PLA2G6: variants seen among roughly 807,000 people sequenced by gnomAD.
PLA2G6 encodes 85/88 kDa calcium-independent phospholipase A2.
A neutral mutation model predicts 83.8 loss-of-function variants in PLA2G6; 62 were observed. The ratio of observed to expected loss-of-function variants is 0.74; its 90% CI spans 0.60 to 0.91. The LOEUF is 0.91. PLA2G6 is among the 40% of genes least tolerant of loss of function. The pLI is 0.00. For synonymous variants in PLA2G6, 417 were observed against 449.8 expected, an observed-to-expected ratio of 0.93 and a Z score of 0.92; for missense variants, 944 against 1,102.0, an observed-to-expected ratio of 0.86 and a Z score of 2.03.
chr22:38,127,661 G>C (rs2087947688), intron 9 of PLA2G6, among the ~76,000 whole-genome samples: 1 of 152,146 alleles, frequency 6.6e-6, no homozygotes, highest in Admixed American at 6.5e-5. Context: ...CTCTGTTCAG[G>C]GGACCCCGCT....
chr22:38,153,300 C>T (rs2089647325), intron 2 of PLA2G6, among the ~76,000 whole-genome samples: 1 of 152,120 alleles, frequency 6.6e-6, no homozygotes, highest in African/African-American at 2.4e-5. Flanking sequence ...GGCATGTGGC[C>T]GCCGCCCCGT....
At chr22:38,149,357 G>A (rs547520270) in intron 2 of PLA2G6, 2 of 152,248 alleles carry the variant, frequency 1.3e-5, no homozygotes, top group South Asian at 2.1e-4. Flanking sequence ...GATAACATTC[G>A]AGAGGTTAAA....
At position 38,113,515 on chromosome 22, in the gene PLA2G6, T is replaced by C. The variant is rs368468197; in HGVS notation, c.2174A>G (p.Lys725Arg). ...GTCCACCACCATCTTGCCCAGTTCC[T>C]TGGCCCCAAAAACAGTCTTGGCCAG... ...WELAKTVFGA[K>R]ELGKMVVDCC... is the part of the protein sequence containing the mutation. Residue 725 changes from lysine (K) to arginine (R), a missense_variant, in exon 15 of 17, where the codon AAG (lysine) becomes AGG (arginine). By Grantham distance (26) the Lys-to-Arg change is conservative. Transcript: ENST00000332509. 2.5e-6 allele frequency: 4 copies of C among 1,614,090 alleles called. No individual in the cohort carries two copies. Among genetic ancestry groups the C allele is most frequent in the Middle Eastern group, 1.6e-4 (1 of 6,062 alleles).
chr22:38,173,944 C>T (rs1450712984), intron 1 of PLA2G6, among the ~76,000 whole-genome samples: 2 of 151,956 alleles, frequency 1.3e-5, no homozygotes, highest in Non-Finnish European at 2.9e-5. Context: ...CCCAGCTACT[C>T]GGGAGGCTAA....
intron 1 of PLA2G6, among the ~76,000 whole-genome samples, chr22:38,175,374 G>C (rs1199202408): frequency 2.6e-5 from 4 of 152,026 alleles, no homozygotes; most frequent in Non-Finnish European, 5.9e-5. Flanking sequence ...GCTGACCCTG[G>C]CCAGTGGCGC....
intron 1 of PLA2G6, among the ~76,000 whole-genome samples, chr22:38,178,571 A>G (rs150682136): frequency 6.6e-6 from 1 of 152,166 alleles, no homozygotes; most frequent in Non-Finnish European, 1.5e-5. Context: ...ACCCTGTCTT[A>G]AAACAAAACA....
In PLA2G6 at chr22:38,145,638, C is replaced by CTCCA; in HGVS notation, c.221_224dup (p.Glu75AspfsTer6). The CTCCA allele has an allele frequency of 6.2e-7, 1 of 1,612,460 alleles. No individual in the cohort carries two copies. Among genetic ancestry groups the CTCCA allele is most frequent in the Non-Finnish European group, 8.5e-7 (1 of 1,179,228 alleles). ...AATTCACTAGGGCGTCAGCCTCCAA[C>CTCCA]TCCAGCTGGAAGAGTCTGTAGAGCC... On this transcript the variant is annotated frameshift_variant, in exon 3 of 17. Coordinates refer to ENST00000332509, the MANE Select transcript of PLA2G6 (RefSeq NM_003560.4). LOFTEE classifies it high-confidence loss of function.
chr22:38,132,649 G>A lies in PLA2G6; in HGVS notation c.1077+182C>T, dbSNP rs1016649074. 3.9e-5 allele frequency: 24 copies of A among 618,100 alleles called. No individual in the cohort carries two copies. The Admixed American group carries it at 6.5e-4, about 17-fold the overall frequency. 38.3% of individuals were successfully genotyped at this position (618,100 alleles called of 1,614,324 possible). On this transcript the variant is annotated intron_variant, in intron 7 of 16. Coordinates refer to ENST00000332509, the MANE Select transcript of PLA2G6 (RefSeq NM_003560.4). The surrounding 1 kb of genome is among the most constrained non-coding windows in gnomAD (Gnocchi z 5.0). ...AGGAGGTGGTGTTATTTTGGGCTGAGAGGGGGACTTGGAAGGCTTCCTGAG... is the reference window on the plus strand; with the variant it reads ...AGGAGGTGGTGTTATTTTGGGCTGAAAGGGGGACTTGGAAGGCTTCCTGAG...
rs587784345 is a variant in PLA2G6, at chr22:38,113,618, C to T, written c.2071G>A (p.Val691Ile). The T allele has an allele frequency of 3.1e-6, 5 of 1,613,824 alleles. No individual in the cohort carries two copies. In the African/African-American group the frequency reaches 4.0e-5, roughly 13 times the overall value. ...ANKVKKLSIV[V>I]SLGTGRSPQV... ...GGGGACCTCCCTGTCCCCAGGGAGA[C>T]AACGATGGAGAGTTTCTTCACCTTG... Residue 691 changes from valine to isoleucine, a missense_variant, in exon 15 of 17, where the codon GTC becomes ATC. Coordinates refer to ENST00000332509, the MANE Select transcript of PLA2G6 (RefSeq NM_003560.4).
chr22:38,133,859 C>T (rs11913581), intron 6 of PLA2G6: 3 of 151,246 alleles, frequency 2.0e-5, no homozygotes, highest in Non-Finnish European at 4.4e-5. Context: ...ACCACCACCA[C>T]CATCATCATC....
At chr22:38,175,926 A>C (rs935632308) in intron 1 of PLA2G6, among the ~76,000 whole-genome samples, 5 of 152,204 alleles carry the variant, frequency 3.3e-5, no homozygotes, top group Non-Finnish European at 7.3e-5. Context: ...CTATAAGCCC[A>C]TGGGGCCAGC....
intron 4 of PLA2G6, 179 bp downstream of exon 4, chr22:38,142,926 A>T: frequency 1.4e-6 from 1 of 730,158 alleles, no homozygotes; most frequent in Non-Finnish European, 2.5e-6. Context: ...GCTCCTGGAA[A>T]AGGGCTGGGA....
At chr22:38,161,994 C>T (rs2090030144) in intron 2 of PLA2G6, among the ~76,000 whole-genome samples, 1 of 152,036 alleles carries the variant, frequency 6.6e-6, no homozygotes, top group South Asian at 2.1e-4. Flanking sequence ...CACCTGAGGT[C>T]AGGAGTTCAA....
chr22:38,126,435 T>A lies in PLA2G6; in HGVS notation c.1363A>T (p.Met455Leu), dbSNP rs745774208. ...SLNNLELQDL[M>L]HISRARKPAF... ...GGCTTCCGGGCCCGTGAGATGTGCA[T>A]GAGATCCTGTAGTTCTGTGAGGCAC... The change falls in exon 10 of 17, where the codon ATG becomes TTG. Residue 455 changes from methionine (M) to leucine (L), a missense_variant. Coordinates refer to ENST00000332509, the MANE Select transcript of PLA2G6 (RefSeq NM_003560.4). 2 of 1,609,910 alleles carry A rather than the reference T, an allele frequency of 1.2e-6. No homozygotes were observed. Among genetic ancestry groups the A allele is most frequent in the African/African-American group, 2.7e-5 (2 of 74,794 alleles).
intron 5 of PLA2G6, chr22:38,137,119 G>A (rs1407081631): frequency 1.3e-5 from 2 of 152,278 alleles, no homozygotes; most frequent in Admixed American, 1.3e-4. Flanking sequence ...GCCGGTGGCT[G>A]GGACAGCGTT....
At chr22:38,129,703 C>A (rs1339922480) in intron 7 of PLA2G6, 141 bp from the exon 8 acceptor site, 2 of 713,682 alleles carry the variant, frequency 2.8e-6, no homozygotes, top group South Asian at 1.5e-5. Flanking sequence ...CCCTCCTCAC[C>A]CCCACCCAAG....
rs180702835 is a variant in PLA2G6 at position 38,135,392 on chromosome 22, G to A, written c.798-308C>T. The A allele has an allele frequency of 6.5e-5, 26 of 399,266 alleles. No homozygotes were observed. In the East Asian group the frequency reaches 1.3e-3, roughly 20 times the overall value. 24.7% of individuals were successfully genotyped at this position (399,266 alleles called of 1,614,324 possible). A position where few individuals can be genotyped will look rare whatever the true frequency, so the allele number is the denominator to read the frequency against. On this transcript the variant is annotated intron_variant, in intron 5 of 16. Transcript: ENST00000332509. ...TCCTCACTGGTGGCCTCCAGAAGCT[G>A]AGCAACATGGAGAGAGTGCTGAGAG...
chr22:38,149,869 A>C (rs1209506547), intron 2 of PLA2G6: 1 of 152,124 alleles, frequency 6.6e-6, no homozygotes, highest in East Asian at 1.9e-4. Flanking sequence ...AGCGGGGCGG[A>C]GGTTGCAGTG....
At chr22:38,180,873 T>G (rs1000616508) in intron 1 of PLA2G6, among the ~76,000 whole-genome samples, 72 of 145,764 alleles carry the variant, frequency 4.9e-4, no homozygotes, top group African/African-American at 1.9e-3. Context: ...ACAAAAACAA[T>G]GCATTCAAAA....
Sources: allele counts gnomAD v4.1 joint callset (sites outside exome capture counted in the v4.1 genomes callset), GRCh38; gene constraint gnomAD v4.1.1; non-coding constraint Gnocchi (gnomAD v3.1); transcripts MANE v1.5; gene names NCBI Gene and HGNC (gene_info 2026-07-23, HGNC 2026-07-21).